The following KAZN variants were observed in gnomAD, a reference collection of about 807,000 sequenced individuals.
The protein encoded by KAZN is kazrin, periplakin interacting protein, also known as kazrin.
Under a neutral mutation model 87.4 loss-of-function variants are expected in KAZN, and 40 were observed. The observed-to-expected ratio is 0.46, with a 90% CI of 0.36 to 0.60. KAZN has a LOEUF of 0.60. KAZN is among the 20% of genes least tolerant of loss of function. The pLI, the probability that KAZN is intolerant of heterozygous loss-of-function variation, is 0.00. For missense variants in KAZN, 898 were observed against 1,073.9 expected (o/e 0.84, Z 2.29); for synonymous variants, 466 against 458.3 (o/e 1.02, Z -0.22).
chr1:15,069,981 CA>C (rs1281856229), intron 8 of KAZN, among the ~76,000 whole-genome samples: 3 of 152,192 alleles, frequency 2.0e-5, no homozygotes, highest in African/African-American at 7.2e-5. Flanking sequence ...GCACTTTACA[CA>C]TATTAACTCA....
chr1:14,373,398 A>G (rs958302273), intron 2 of KAZN, among the ~76,000 whole-genome samples: 5 of 152,158 alleles, frequency 3.3e-5, no homozygotes, highest in Non-Finnish European at 7.3e-5. Flanking sequence ...TCCAAGAGCA[A>G]GAGAAGACTG....
chr1:13,896,344 C>A (rs146281966), intron 1 of KAZN, among the ~76,000 whole-genome samples: 59 of 152,340 alleles, frequency 3.9e-4, no homozygotes, highest in African/African-American at 1.4e-3. Context: ...GGCTGTAGTG[C>A]AGTGGCATGA....
chr1:15,050,489 G>C (rs1674275814), intron 4 of KAZN, among the ~76,000 whole-genome samples: 1 of 152,220 alleles, frequency 6.6e-6, no homozygotes, highest in South Asian at 2.1e-4. Context: ...CAGACGAGAG[G>C]CAGGGACTGT....
intron 1 of KAZN, among the ~76,000 whole-genome samples, chr1:13,991,722 A>G (rs1639290469): frequency 2.6e-5 from 4 of 152,282 alleles, no homozygotes; most frequent in East Asian, 3.9e-4. Context: ...GATAATTTCA[A>G]TGACCATTAG....
chr1:14,269,430 A>T (rs1651752895), intron 2 of KAZN, among the ~76,000 whole-genome samples: 1 of 152,180 alleles, frequency 6.6e-6, no homozygotes, highest in Non-Finnish European at 1.5e-5. Context: ...TTTTTCAAAG[A>T]AAATAGGAAA....
intron 1 of KAZN, among the ~76,000 whole-genome samples, chr1:14,926,289 A>T (rs1659160640): frequency 6.6e-6 from 1 of 152,120 alleles, no homozygotes; most frequent in Non-Finnish European, 1.5e-5. Context: ...TGTACAGGAG[A>T]TGGCTAGGTG....
intron 2 of KAZN, among the ~76,000 whole-genome samples, chr1:14,975,186 C>T (rs1665472139): frequency 6.6e-6 from 1 of 152,196 alleles, no homozygotes; most frequent in Non-Finnish European, 1.5e-5. Flanking sequence ...AGCAGAGAGT[C>T]TGCAGAGCTC....
At chr1:15,042,776 G>A (rs540561051) in intron 3 of KAZN, among the ~76,000 whole-genome samples, 1 of 152,296 alleles carries the variant, frequency 6.6e-6, no homozygotes, top group African/African-American at 2.4e-5. Context: ...ATCTGGAAGT[G>A]AGGCCTTCAG....
chr1:13,907,483 G>T (rs868219279), intron 1 of KAZN, among the ~76,000 whole-genome samples: 1 of 151,328 alleles, frequency 6.6e-6, no homozygotes, highest in African/African-American at 2.4e-5. Context: ...CCTTTGAGGG[G>T]TGTGTATGAG....
chr1:14,521,888 A>G (rs999639491), intron 2 of KAZN, among the ~76,000 whole-genome samples: 9 of 152,178 alleles, frequency 5.9e-5, no homozygotes, highest in Non-Finnish European at 5.9e-5. Flanking sequence ...AAGTGGATAA[A>G]AGTGCACCAT....
intron 2 of KAZN, among the ~76,000 whole-genome samples, chr1:14,509,598 C>G (rs1670795523): frequency 6.6e-6 from 1 of 152,196 alleles, no homozygotes. Flanking sequence ...AGAGACACAC[C>G]TAAGTCCATT....
At chr1:14,870,299 A>C (rs548893606) in intron 1 of KAZN, among the ~76,000 whole-genome samples, 2 of 152,276 alleles carry the variant, frequency 1.3e-5, no homozygotes, top group African/African-American at 2.4e-5. Context: ...ACTTTGAACA[A>C]ATGGCTTAAC....
rs531998872 is a variant in KAZN, at chr1:14,801,088, C to T, written c.227-159596C>T. Among the ~76,000 whole-genome samples, 306 of 150,970 alleles carry T rather than the reference C, an allele frequency of 2.0e-3. 2 individuals carry two copies. The highest frequency in any genetic ancestry group is 7.3e-3 in the African/African-American group (299 of 41,126). ...GAAATACGTGGGAGAAAAAGAGTCA[C>T]GGGGCGCAGAGGGTGGTGATAAGAG... On this transcript the variant is annotated intron_variant, in intron 1 of 14. Coordinates refer to ENST00000376030, the MANE Select transcript of KAZN (RefSeq NM_201628.3).
chr1:14,970,050 G>A (rs1664855902), intron 2 of KAZN, among the ~76,000 whole-genome samples: 6 of 152,174 alleles, frequency 3.9e-5, no homozygotes, highest in Admixed American at 3.9e-4. Context: ...CTGACTTCAA[G>A]TGATTCACCT....
At chr1:14,337,893 CAAAAA>C (rs34909839) in intron 2 of KAZN, among the ~76,000 whole-genome samples, 1 of 100,542 alleles carries the variant, frequency 9.9e-6, no homozygotes, top group African/African-American at 3.3e-5. Context: ...GACTCTGTCT[CAAAAA>C]AAAAAAAAAA....
chr1:13,992,428 T>G (rs1639327466), intron 1 of KAZN, among the ~76,000 whole-genome samples: 1 of 152,162 alleles, frequency 6.6e-6, no homozygotes, highest in Non-Finnish European at 1.5e-5. Context: ...TGTCACTTCT[T>G]AGTCTCTGAA....
At chr1:14,314,061 C>G (rs959613395) in intron 2 of KAZN, among the ~76,000 whole-genome samples, 1 of 152,168 alleles carries the variant, frequency 6.6e-6, no homozygotes, top group Non-Finnish European at 1.5e-5. Flanking sequence ...ATATTAGATA[C>G]AGATATGAAA....
At chr1:14,882,402 G>A (rs1653440611) in intron 1 of KAZN, among the ~76,000 whole-genome samples, 1 of 152,154 alleles carries the variant, frequency 6.6e-6, no homozygotes, top group African/African-American at 2.4e-5. Context: ...CTTCTCACCT[G>A]GGGCAAGTTG....
At chr1:14,571,643 T>C (rs1674871414) in intron 2 of KAZN, among the ~76,000 whole-genome samples, 1 of 152,160 alleles carries the variant, frequency 6.6e-6, no homozygotes, top group African/African-American at 2.4e-5. Context: ...TCCATCCCCC[T>C]ATAAAGGCAG....
Sources: gnomAD v4.1 joint callset for allele counts (sites outside exome capture counted in the v4.1 genomes callset) on GRCh38, gnomAD v4.1.1 for gene constraint, MANE v1.5 for transcripts, NCBI Gene and HGNC (gene_info 2026-07-23, HGNC 2026-07-21) for gene names.